The following RGPD2 variants were observed in gnomAD, a reference collection of about 807,000 sequenced individuals.
The protein encoded by RGPD2 is RANBP2 like and GRIP domain containing 2, also known as RANBP2-like and GRIP domain-containing protein 2.
Under a neutral mutation model 36.0 loss-of-function variants are expected in RGPD2, and 2 were observed. The ratio of observed to expected loss-of-function variants is 0.06; its 90% confidence interval spans 0.02 to 0.17. The LOEUF is 0.17. Among genes scored for constraint, RGPD2 ranks in the 10% least tolerant of loss-of-function variants. The pLI, the probability that RGPD2 is intolerant of heterozygous loss-of-function variation, is 1.00. For synonymous variants in RGPD2, 19 were observed against 163.8 expected (o/e 0.12, Z 6.75); for missense variants, 40 against 464.3 (o/e 0.09, Z 8.40).
At chr2:87,986,131 G>A in the RGPD2 span, among the ~76,000 whole-genome samples, 2 of 102,140 alleles carry the variant, frequency 2.0e-5, no homozygotes, top group South Asian at 8.2e-4. Flanking sequence ...GGGGTCTGAA[G>A]ACAGCTTTTT....
At chr2:87,777,543 GCTT>G (rs1320911005) in intron 20 of RGPD2, among the ~76,000 whole-genome samples, 4 of 123,980 alleles carry the variant, frequency 3.2e-5, no homozygotes, top group African/African-American at 8.2e-5. Context: ...TACCTCTGCA[GCTT>G]CTTAATTGTT....
chr2:87,834,440 A>T, the RGPD2 span, among the ~76,000 whole-genome samples: 1 of 152,120 alleles, frequency 6.6e-6, no homozygotes, highest in Non-Finnish European at 1.5e-5. Context: ...ATGATCATAG[A>T]TGTAGAATAT....
the RGPD2 span, among the ~76,000 whole-genome samples, chr2:87,832,740 G>A: frequency 6.6e-6 from 1 of 151,878 alleles, no homozygotes; most frequent in Non-Finnish European, 1.5e-5. Flanking sequence ...AGAATTGCTT[G>A]AGTCTAGAAG....
intron 4 of RGPD2, among the ~76,000 whole-genome samples, chr2:87,814,149 C>A (rs2104352158): frequency 9.0e-6 from 1 of 110,810 alleles, no homozygotes; most frequent in African/African-American, 3.5e-5. Flanking sequence ...TATTTAAAAT[C>A]CAGCTGCTTA....
chr2:87,873,901 C>G, the RGPD2 span, among the ~76,000 whole-genome samples: 1 of 151,138 alleles, frequency 6.6e-6, no homozygotes, highest in Admixed American at 6.6e-5. Flanking sequence ...AGCTATAATT[C>G]AAGATGAGAT....
the RGPD2 span, among the ~76,000 whole-genome samples, chr2:87,858,280 CAG>C: frequency 9.9e-3 from 1,496 of 151,384 alleles, 1 homozygote; most frequent in South Asian, 0.025. Flanking sequence ...CCGTCTCAAA[CAG>C]AATAAAAATA....
At chr2:87,864,816 A>T in the RGPD2 span, among the ~76,000 whole-genome samples, 28 of 152,224 alleles carry the variant, frequency 1.8e-4, no homozygotes, top group Admixed American at 2.0e-4. Context: ...AATTTTTTAC[A>T]GTTGACTTTT....
At chr2:87,945,004 C>T in the RGPD2 span, among the ~76,000 whole-genome samples, 1 of 150,776 alleles carries the variant, frequency 6.6e-6, no homozygotes, top group African/African-American at 2.5e-5. Context: ...CAAAATTTAC[C>T]ATCTTATTTC....
chr2:87,870,680 G>C, the RGPD2 span, among the ~76,000 whole-genome samples: 1 of 152,066 alleles, frequency 6.6e-6, no homozygotes, highest in Non-Finnish European at 1.5e-5. Flanking sequence ...CAGCTACACT[G>C]ACTGTACCAC....
the RGPD2 span, among the ~76,000 whole-genome samples, chr2:87,963,950 C>T: frequency 6.8e-6 from 1 of 147,152 alleles, no homozygotes; most frequent in Non-Finnish European, 1.5e-5. Context: ...ATTCTTGTGC[C>T]TCAGCCTCCC....
At chr2:87,760,616 TC>T (rs1684857930) in intron 22 of RGPD2, among the ~76,000 whole-genome samples, 1 of 13,192 alleles carries the variant, frequency 7.6e-5, no homozygotes, top group Admixed American at 6.9e-4. Flanking sequence ...TGTTTCTTTC[TC>T]TTTTTTTTTT....
the RGPD2 span, among the ~76,000 whole-genome samples, chr2:87,839,294 A>G: frequency 6.6e-6 from 1 of 152,070 alleles, no homozygotes; most frequent in African/African-American, 2.4e-5. Context: ...CACTAATCAT[A>G]AGAGAAATGC....
chr2:87,988,760 C>T, the RGPD2 span, among the ~76,000 whole-genome samples: 37 of 151,680 alleles, frequency 2.4e-4, no homozygotes, highest in South Asian at 5.6e-3. Context: ...AGGCTGGTCT[C>T]GAACTACCGA....
chr2:87,845,802 A>G, the RGPD2 span, among the ~76,000 whole-genome samples: 1 of 152,060 alleles, frequency 6.6e-6, no homozygotes, highest in Non-Finnish European at 1.5e-5. Flanking sequence ...AATATTTTCC[A>G]TTGTCATTGT....
At chr2:87,857,474 C>G in the RGPD2 span, among the ~76,000 whole-genome samples, 20 of 151,514 alleles carry the variant, frequency 1.3e-4, no homozygotes, top group African/African-American at 4.6e-4. Flanking sequence ...TCTTGAGTAG[C>G]TGGGACTACA....
the RGPD2 span, among the ~76,000 whole-genome samples, chr2:87,940,709 A>T: frequency 3.3e-5 from 5 of 149,718 alleles, no homozygotes; most frequent in African/African-American, 1.2e-4. Flanking sequence ...CCCTTTAAAG[A>T]TAAGCCTGTA....
At chr2:87,905,191 A>C in the RGPD2 span, among the ~76,000 whole-genome samples, 2 of 152,248 alleles carry the variant, frequency 1.3e-5, no homozygotes, top group Non-Finnish European at 2.9e-5. Context: ...TGGAGGACAA[A>C]ATTTTGTAAG....
the RGPD2 span, among the ~76,000 whole-genome samples, chr2:87,988,541 A>ATATATATATATTT: frequency 0.011 from 575 of 54,084 alleles, 20 homozygotes; most frequent in Non-Finnish European, 0.02. Flanking sequence ...ATATATATAT[A>ATATATATATATTT]TTTTTTTTTT....
chr2:87,914,360 GCTATT>G, the RGPD2 span, among the ~76,000 whole-genome samples: 1 of 50,618 alleles, frequency 2.0e-5, no homozygotes, highest in Non-Finnish European at 3.8e-5. Context: ...TCCAAATTTG[GCTATT>G]CTAAACAATT....
Sources: gnomAD v4.1 joint callset for allele counts (sites outside exome capture counted in the v4.1 genomes callset) on GRCh38, gnomAD v4.1.1 for gene constraint, MANE v1.5 for transcripts, NCBI Gene and HGNC (gene_info 2026-07-23, HGNC 2026-07-21) for gene names.